HGF: variants seen among roughly 807,000 people sequenced by gnomAD.
HGF encodes hepatocyte growth factor.
In HGF, 39 loss-of-function variants were observed where a neutral mutation model predicts 111.6. That is an observed-to-expected ratio of 0.35 (90% confidence interval 0.27 to 0.46). The LOEUF (loss-of-function observed/expected upper bound fraction) is 0.46. HGF is among the 20% of genes least tolerant of loss of function. The probability of loss-of-function intolerance (pLI) is 1.00; values close to 1 mark genes in which losing one functional copy is unlikely to be tolerated. For synonymous variants in HGF, 285 were observed against 294.8 expected (o/e 0.97, Z 0.34); for missense variants, 735 against 910.5 (o/e 0.81, Z 2.48).
chr7:81,761,173 G>A (rs1447513508), intron 2 of HGF, among the ~76,000 whole-genome samples: 2 of 152,158 alleles, frequency 1.3e-5, no homozygotes, highest in African/African-American at 4.8e-5. Context: ...ACACAGCTGA[G>A]ATGTTGATTG....
intron 3 of HGF, 151 bp downstream of exon 3, chr7:81,758,541 T>A: frequency 1.6e-6 from 1 of 609,648 alleles, no homozygotes; most frequent in Non-Finnish European, 2.9e-6. Context: ...AAGATACTAG[T>A]TTCAACTGTC....
Position 81,699,818 on chromosome 7 carries a change from C to T in HGF, c.*2763G>A, listed in dbSNP as rs1011814742. On this transcript the variant is annotated 3_prime_UTR_variant, in exon 18 of 18. Transcript: ENST00000222390. Reference sequence around the variant, plus strand: ...TTTTCTTGCCTTCCAGTGTCTCACACTTCCCATAATTTGAAACACTTAGAT... The same window carrying T: ...TTTTCTTGCCTTCCAGTGTCTCACATTTCCCATAATTTGAAACACTTAGAT... 1 of 151,764 alleles carries T rather than the reference C, an allele frequency of 6.6e-6. No homozygotes were observed. The highest frequency in any genetic ancestry group is 1.9e-4 in the East Asian group (1 of 5,150). 9.4% of individuals were successfully genotyped at this position (151,764 alleles called of 1,614,324 possible). A position where few individuals can be genotyped will look rare whatever the true frequency, so the allele number is the denominator to read the frequency against.
intron 5 of HGF, among the ~76,000 whole-genome samples, chr7:81,750,340 A>C (rs1788438637): frequency 6.6e-6 from 1 of 152,128 alleles, no homozygotes; most frequent in Non-Finnish European, 1.5e-5. Flanking sequence ...CCCACAGGAG[A>C]GTTATTCCAC....
At chr7:81,766,273 G>C (rs1322133702) in intron 1 of HGF, among the ~76,000 whole-genome samples, 1 of 152,182 alleles carries the variant, frequency 6.6e-6, no homozygotes, top group Admixed American at 6.5e-5. Flanking sequence ...AGGATTTGCA[G>C]GGTGTGGAAA....
In HGF at chr7:81,769,867, A is replaced by G; in HGVS notation, c.88+17T>C. 1 of 1,537,172 alleles carries G rather than the reference A, an allele frequency of 6.5e-7. No homozygotes were observed. The highest frequency in any genetic ancestry group is 1.2e-5 in the South Asian group (1 of 83,852). The stretch of plus-strand genomic sequence containing the variant: ...TAAATACTAATACTAATAATGAAGA[A>G]GAAGAAGGGAACTAACCTGCATAGG... On this transcript the variant is annotated intron_variant, in intron 1 of 17. Coordinates refer to ENST00000222390, the MANE Select transcript of HGF (RefSeq NM_000601.6).
At chr7:81,736,668 A>T (rs778831984) in intron 7 of HGF, 1 of 456,700 alleles carries the variant, frequency 2.2e-6, no homozygotes, top group Non-Finnish European at 4.4e-6. Flanking sequence ...AGCAGAAGGC[A>T]TGGCTGGGGT....
intron 13 of HGF, among the ~76,000 whole-genome samples, chr7:81,707,612 A>G (rs1789463070): frequency 6.6e-6 from 1 of 152,140 alleles, no homozygotes; most frequent in Non-Finnish European, 1.5e-5. Flanking sequence ...TGTGTAGTCT[A>G]AAGTTATTAC....
chr7:81,706,860 C>CT (rs1363847143), intron 14 of HGF, among the ~76,000 whole-genome samples: 1 of 151,856 alleles, frequency 6.6e-6, no homozygotes, highest in African/African-American at 2.4e-5. Context: ...AATGCTGCCT[C>CT]TTTATCTTTT....
At chr7:81,742,977 C>G in intron 7 of HGF, 1 of 1,608,370 alleles carries the variant, frequency 6.2e-7, no homozygotes, top group Admixed American at 1.7e-5. Context: ...GTAAAGGATA[C>G]AGGATTGGAA....
intron 11 of HGF, among the ~76,000 whole-genome samples, chr7:81,716,750 G>C (rs543971676): frequency 2.6e-5 from 4 of 152,080 alleles, no homozygotes; most frequent in Admixed American, 2.6e-4. Flanking sequence ...CAGATAACTG[G>C]GTGGAAAACT....
chr7:81,726,083 A>T, intron 8 of HGF, 66 bp from the exon 9 acceptor site: 1 of 1,491,872 alleles, frequency 6.7e-7, no homozygotes, highest in Admixed American at 1.7e-5. Flanking sequence ...CAGCGCTATT[A>T]CATTTCTAGA....
intron 6 of HGF, among the ~76,000 whole-genome samples, chr7:81,744,573 A>G (rs921608708): frequency 6.6e-6 from 1 of 152,168 alleles, no homozygotes; most frequent in Admixed American, 6.5e-5. Context: ...AATTAGTAAC[A>G]ATACCTCTAA....
At position 81,769,956 on chromosome 7, in the gene HGF, G is replaced by A; in HGVS notation, c.16C>T (p.Leu6Phe). ...TGCTGCAGCAGCAGGGCTGGCAGGA[G>A]TTTGGTCACCCACATGGTGCTGCTG... is the stretch of plus-strand genomic sequence containing the variant. MWVTK[L>F]LPALLLQHVL... Residue 6 changes from leucine (L) to phenylalanine (F), a missense_variant, in exon 1 of 18, where the codon CTC becomes TTC. Around this residue, in one of 3 missense-constraint regions of HGF, gnomAD observed 553 missense variants for 685.6 expected, o/e 0.81. Coordinates refer to ENST00000222390, the MANE Select transcript of HGF (RefSeq NM_000601.6). The A allele has an allele frequency of 5.8e-6, 9 of 1,557,964 alleles. No individual in the cohort carries two copies. The highest frequency in any genetic ancestry group is 7.8e-6 in the Non-Finnish European group (9 of 1,150,512).
intron 4 of HGF, 124 bp downstream of exon 4, chr7:81,757,065 A>T: frequency 1.4e-6 from 1 of 706,910 alleles, no homozygotes; most frequent in Non-Finnish European, 2.6e-6. Context: ...ACCTTGCCGT[A>T]ATACAATTCA....
In HGF at chr7:81,736,894, G is replaced by GGTGTGTGTGTGTGTGTGT. The variant is rs368271908; in HGVS notation, c.865+6441_865+6458dup. Among the ~76,000 whole-genome samples, 930 of 142,042 alleles carry GGTGTGTGTGTGTGTGTGT rather than the reference G, an allele frequency of 6.5e-3. 11 individuals are homozygous for GGTGTGTGTGTGTGTGTGT. Among genetic ancestry groups the GGTGTGTGTGTGTGTGTGT allele is most frequent in the Middle Eastern group, 0.018 (5 of 282 alleles). 93.2% of individuals were successfully genotyped at this position (142,042 alleles called of 152,430 possible). On this transcript the variant is annotated intron_variant, in intron 7 of 17. Coordinates refer to ENST00000222390, the MANE Select transcript of HGF (RefSeq NM_000601.6). ...AGGGTTTTTAATTTATGTGTAGAGG[G>GGTGTGTGTGTGTGTGTGT]GTGTGTGTGTGTGTGTGTGTGTGTG... is the stretch of plus-strand genomic sequence containing the variant.
At chr7:81,715,496 C>A (rs1308918934) in intron 11 of HGF, among the ~76,000 whole-genome samples, 1 of 151,898 alleles carries the variant, frequency 6.6e-6, no homozygotes, top group Non-Finnish European at 1.5e-5. Context: ...ATGATCATGG[C>A]TGATAAAATG....
At chr7:81,719,910 A>G (rs1789809358) in intron 10 of HGF, among the ~76,000 whole-genome samples, 1 of 152,164 alleles carries the variant, frequency 6.6e-6, no homozygotes, top group African/African-American at 2.4e-5. Context: ...TAGGATTATG[A>G]TGGTCAAATG....
chr7:81,715,425 A>G (rs1789684770), intron 11 of HGF, among the ~76,000 whole-genome samples: 1 of 152,148 alleles, frequency 6.6e-6, no homozygotes. Flanking sequence ...CATTGAGCCT[A>G]TGCCAACCTT....
At chr7:81,717,453 A>G (rs1789743809) in intron 10 of HGF, 88 bp from the exon 11 acceptor site, 1 of 1,274,122 alleles carries the variant, frequency 7.8e-7, no homozygotes, top group Admixed American at 1.7e-5. Flanking sequence ...ATCTCAGCAC[A>G]TTACTTTCAC....
Sources: allele counts gnomAD v4.1 joint callset (sites outside exome capture counted in the v4.1 genomes callset), GRCh38; gene constraint gnomAD v4.1.1; regional missense constraint gnomAD v4.1.1; transcripts MANE v1.5; gene names NCBI Gene and HGNC (gene_info 2026-07-23, HGNC 2026-07-21).